Variants in ST6GALNAC3 observed in about 807,000 individuals in gnomAD.
ST6GALNAC3 encodes ST6 N-acetylgalactosaminide alpha-2,6-sialyltransferase 3.
ST6GALNAC3 carries 25 observed loss-of-function variants against 32.7 expected under a neutral mutation model. The ratio of observed to expected loss-of-function variants is 0.76; its 90% CI spans 0.56 to 1.07. ST6GALNAC3 has a LOEUF of 1.07. Among genes scored for constraint, ST6GALNAC3 ranks in the 50% least tolerant of loss-of-function variants. ST6GALNAC3 has a pLI of 0.00. For synonymous variants in ST6GALNAC3, 129 were observed against 133.1 expected (o/e 0.97, Z 0.21); for missense variants, 355 against 382.4 (o/e 0.93, Z 0.60).
At chr1:76,460,852 G>T (rs1658231946) in intron 3 of ST6GALNAC3, among the ~76,000 whole-genome samples, 1 of 152,040 alleles carries the variant, frequency 6.6e-6, no homozygotes, top group African/African-American at 2.4e-5. Flanking sequence ...CTTATAACAT[G>T]GAGGAATTCC....
intron 3 of ST6GALNAC3, among the ~76,000 whole-genome samples, chr1:76,489,841 G>C (rs1660377519): frequency 6.6e-6 from 1 of 152,148 alleles, no homozygotes; most frequent in Admixed American, 6.5e-5. Flanking sequence ...TTAGTTCTCT[G>C]AGCCTGGCGT....
chr1:76,179,121 C>T (rs1653022352), intron 1 of ST6GALNAC3, among the ~76,000 whole-genome samples: 1 of 152,192 alleles, frequency 6.6e-6, no homozygotes, highest in African/African-American at 2.4e-5. Context: ...AGCAGCAGCT[C>T]CCAACTAGGA....
At chr1:76,333,766 A>T (rs1310625068) in intron 2 of ST6GALNAC3, among the ~76,000 whole-genome samples, 1 of 152,182 alleles carries the variant, frequency 6.6e-6, no homozygotes, top group Non-Finnish European at 1.5e-5. Context: ...GTTGGGCCAG[A>T]TGCAGTGGGA....
At chr1:76,621,093 G>C (rs1648614868) in intron 3 of ST6GALNAC3, among the ~76,000 whole-genome samples, 1 of 152,080 alleles carries the variant, frequency 6.6e-6, no homozygotes, top group East Asian at 1.9e-4. Flanking sequence ...GTACGTTTTT[G>C]AAAAGAACAC....
At chr1:76,107,472 G>A (rs1317887537) in intron 1 of ST6GALNAC3, among the ~76,000 whole-genome samples, 3 of 152,016 alleles carry the variant, frequency 2.0e-5, no homozygotes, top group Non-Finnish European at 4.4e-5. Context: ...TCAAAGTTGT[G>A]TTCTATTCTT....
intron 1 of ST6GALNAC3, among the ~76,000 whole-genome samples, chr1:76,258,005 G>T (rs1658014105): frequency 6.6e-6 from 1 of 152,064 alleles, no homozygotes; most frequent in Admixed American, 6.6e-5. Context: ...AGGCCCCTTT[G>T]TCTCATGTGC....
chr1:76,156,969 G>A (rs972022133), intron 1 of ST6GALNAC3, among the ~76,000 whole-genome samples: 22 of 152,168 alleles, frequency 1.4e-4, no homozygotes, highest in Non-Finnish European at 2.5e-4. Context: ...CTGACCTCGT[G>A]ATCTGCCCGC....
In ST6GALNAC3 at chr1:76,551,506, C is replaced by T. The variant is rs143837380; in HGVS notation, c.624-75946C>T. Among the ~76,000 whole-genome samples, 236 of 152,172 alleles carry T rather than the reference C, an allele frequency of 1.6e-3. 1 individual carries two copies. The highest frequency in any genetic ancestry group is 3.1e-3 in the South Asian group (15 of 4,818). On this transcript the variant is annotated intron_variant, in intron 3 of 4. Transcript: ENST00000328299. The stretch of plus-strand genomic sequence containing the variant: ...TTCATCTTATTAATTATTATTATTA[C>T]AGCTTGGATTCTGGTGTCAATGCCA...
At chr1:76,475,208 CAG>C (rs1342517375) in intron 3 of ST6GALNAC3, among the ~76,000 whole-genome samples, 1 of 152,104 alleles carries the variant, frequency 6.6e-6, no homozygotes, top group East Asian at 1.9e-4. Flanking sequence ...AAAAGGGAGA[CAG>C]TGTAGTTTAA....
In ST6GALNAC3 at chr1:76,457,637, G is replaced by T. The variant is rs531909028; in HGVS notation, c.623+45220G>T. Among the ~76,000 whole-genome samples the T allele has an allele frequency of 7.7e-3, 1,164 of 152,108 alleles. 16 individuals are homozygous for T. The highest frequency in any genetic ancestry group is 0.027 in the African/African-American group (1,122 of 41,480). ...TGAGAAAAACAAGCAATGGGGAAAGGATTCCCTATTTAATAAATGGTGCTT... is the reference window on the plus strand; with the variant it reads ...TGAGAAAAACAAGCAATGGGGAAAGTATTCCCTATTTAATAAATGGTGCTT... On this transcript the variant is annotated intron_variant, in intron 3 of 4. Coordinates refer to ENST00000328299, the MANE Select transcript of ST6GALNAC3 (RefSeq NM_152996.4).
At chr1:76,180,820 C>T (rs1027406414) in intron 1 of ST6GALNAC3, among the ~76,000 whole-genome samples, 5 of 152,184 alleles carry the variant, frequency 3.3e-5, no homozygotes, top group Admixed American at 2.0e-4. Flanking sequence ...CTCAGAGCCA[C>T]CTCCACCACC....
chr1:76,222,911 C>T (rs1358919366), intron 1 of ST6GALNAC3, among the ~76,000 whole-genome samples: 1 of 152,036 alleles, frequency 6.6e-6, no homozygotes, highest in Non-Finnish European at 1.5e-5. Context: ...CAGATGCTGG[C>T]AAGGTTGTGG....
chr1:76,083,566 C>G (rs1053773124), intron 1 of ST6GALNAC3, among the ~76,000 whole-genome samples: 3 of 152,154 alleles, frequency 2.0e-5, no homozygotes, highest in African/African-American at 7.2e-5. Flanking sequence ...ACAATAATAC[C>G]CTTATTTCAT....
At chr1:76,566,473 C>T (rs1036996820) in intron 3 of ST6GALNAC3, among the ~76,000 whole-genome samples, 3 of 152,116 alleles carry the variant, frequency 2.0e-5, no homozygotes, top group Non-Finnish European at 4.4e-5. Context: ...CATCTCCTAC[C>T]TCCAGCATCT....
At chr1:76,487,309 C>A (rs1294308742) in intron 3 of ST6GALNAC3, among the ~76,000 whole-genome samples, 1 of 152,164 alleles carries the variant, frequency 6.6e-6, no homozygotes, top group Non-Finnish European at 1.5e-5. Flanking sequence ...TGGATAATAT[C>A]CTGCAGAGTG....
intron 1 of ST6GALNAC3, among the ~76,000 whole-genome samples, chr1:76,087,580 G>A (rs1646981581): frequency 6.6e-6 from 1 of 152,178 alleles, no homozygotes; most frequent in Admixed American, 6.5e-5. Flanking sequence ...TACCTGTACT[G>A]TGTTGGGGCT....
intron 1 of ST6GALNAC3, among the ~76,000 whole-genome samples, chr1:76,283,878 G>A (rs1659632795): frequency 6.6e-6 from 1 of 152,070 alleles, no homozygotes; most frequent in African/African-American, 2.4e-5. Context: ...TCAGATGTTG[G>A]GATTCAAATT....
At chr1:76,462,743 A>G (rs1241184119) in intron 3 of ST6GALNAC3, among the ~76,000 whole-genome samples, 1 of 152,226 alleles carries the variant, frequency 6.6e-6, no homozygotes, top group East Asian at 1.9e-4. Context: ...ATGGATAGAT[A>G]GAGAACATGT....
intron 3 of ST6GALNAC3, among the ~76,000 whole-genome samples, chr1:76,497,093 A>C (rs530799478): frequency 1.3e-5 from 2 of 152,294 alleles, no homozygotes; most frequent in African/African-American, 4.8e-5. Flanking sequence ...TTTCTTCGGG[A>C]GAGCTGGTCA....
Sources: allele counts gnomAD v4.1 joint callset (sites outside exome capture counted in the v4.1 genomes callset), GRCh38; gene constraint gnomAD v4.1.1; transcripts MANE v1.5; gene names NCBI Gene and HGNC (gene_info 2026-07-23, HGNC 2026-07-21).